Variants in CTR9 observed in about 807,000 individuals in gnomAD.
CTR9 encodes RNA polymerase-associated protein CTR9 homolog.
CTR9 carries 41 observed loss-of-function variants against 152.1 expected under a neutral mutation model. That is an observed-to-expected ratio of 0.27 (90% CI 0.21 to 0.35). The LOEUF is 0.35. Among genes scored for constraint, CTR9 ranks in the 10% least tolerant of loss-of-function variants. The probability of loss-of-function intolerance (pLI) is 1.00; values close to 1 mark genes in which losing one functional copy is unlikely to be tolerated. For synonymous variants in CTR9, 476 were observed against 496.2 expected, an observed-to-expected ratio of 0.96 and a Z score of 0.54; for missense variants, 917 against 1,424.4, an observed-to-expected ratio of 0.64 and a Z score of 5.73.
chr11:10,761,461 G>GATCT (rs200758620), intron 6 of CTR9, among the ~76,000 whole-genome samples: 2,294 of 152,112 alleles, frequency 0.015, 59 homozygotes, highest in African/African-American at 0.052. Flanking sequence ...AAAGGTGGTA[G>GATCT]AGGCCAGGCA....
intron 2 of CTR9, among the ~76,000 whole-genome samples, chr11:10,754,414 T>G (rs937190590): frequency 1.3e-5 from 2 of 152,250 alleles, no homozygotes; most frequent in Non-Finnish European, 2.9e-5. Flanking sequence ...TAAACAGTTT[T>G]ATTAAAGTCT....
chr11:10,759,561 G>A (rs550821215), intron 5 of CTR9, among the ~76,000 whole-genome samples: 13 of 152,174 alleles, frequency 8.5e-5, no homozygotes, highest in Admixed American at 2.6e-4. Context: ...AACTGGAAAG[G>A]GATATAGAAT....
At chr11:10,775,730 T>C (rs1369864611) in intron 24 of CTR9, 97 bp downstream of exon 24, 3 of 109,534 alleles carry the variant, frequency 2.7e-5, no homozygotes, top group Non-Finnish European at 4.4e-5. Flanking sequence ...TATACTTTTC[T>C]TTCTTTTTCT....
chr11:10,755,834 T>G (rs1677430687), intron 4 of CTR9, 39 bp downstream of exon 4: 2 of 1,231,032 alleles, frequency 1.6e-6, no homozygotes, highest in East Asian at 2.4e-5. Context: ...AACAGTTGTT[T>G]TCAGCATATG....
rs777937120 is a variant in CTR9, at chr11:10,756,820, A to G, written c.574A>G (p.Thr192Ala). The change falls in exon 5 of 25, where the codon ACT (threonine) becomes GCT (alanine). Residue 192 changes from threonine (T) to alanine (A), a missense_variant. Coordinates refer to ENST00000361367, the MANE Select transcript of CTR9 (RefSeq NM_014633.5). Reference sequence around the variant, plus strand: ...TGCTTACTATAAGAAAGCATTGCGTACTAACCCAGGATGTCCAGGTAAGAG... The same window carrying G: ...TGCTTACTATAAGAAAGCATTGCGTGCTAACCCAGGATGTCCAGGTAAGAG... ...ALAYYKKALRTNPGCPAEVRL... is the reference protein window; with the variant it reads ...ALAYYKKALRANPGCPAEVRL... 21 of 1,612,614 alleles carry G rather than the reference A, an allele frequency of 1.3e-5. No individual in the cohort carries two copies. Among genetic ancestry groups the G allele is most frequent in the Non-Finnish European group, 1.7e-5 (20 of 1,179,210 alleles).
chr11:10,779,040 C>G lies in CTR9; in HGVS notation c.3457C>G (p.Pro1153Ala). 6.2e-7 allele frequency: 1 copy of G among 1,614,080 alleles called. No individual in the cohort carries two copies. The highest frequency in any genetic ancestry group is 8.5e-7 in the Non-Finnish European group (1 of 1,180,030). The change falls in exon 25 of 25, where the codon CCA (proline) becomes GCA (alanine). Residue 1153 changes from proline to alanine, a missense_variant. Around this residue, in one of 9 missense-constraint regions of CTR9, gnomAD observed 384 missense variants for 398.4 expected, o/e 0.96. Coordinates refer to ENST00000361367, the MANE Select transcript of CTR9 (RefSeq NM_014633.5). ...SGQGSGNESE[P>A]EGSNNEASDR... ...CCAAGGCTCTGGAAATGAATCGGAA[C>G]CAGAGGGATCCAACAATGAGGCCTC...
At chr11:10,764,279 AC>A (rs1307045558) in intron 10 of CTR9, 28 bp from the exon 11 acceptor site, 1 of 1,613,614 alleles carries the variant, frequency 6.2e-7, no homozygotes, top group African/African-American at 1.3e-5. Flanking sequence ...TTCCACTTAC[AC>A]CTTTTTCTGT....
At chr11:10,776,421 A>G (rs752368828) in intron 24 of CTR9, among the ~76,000 whole-genome samples, 7 of 152,186 alleles carry the variant, frequency 4.6e-5, no homozygotes, top group Non-Finnish European at 7.3e-5. Flanking sequence ...CAGTGAAGCA[A>G]TACTTGATTT....
At position 10,760,222 on chromosome 11, in the gene CTR9, G is replaced by A; in HGVS notation, c.642G>A (p.Leu214=). 6.2e-7 allele frequency: 1 copy of A among 1,614,086 alleles called. No homozygotes were observed. Among genetic ancestry groups the A allele is most frequent in the South Asian group, 1.1e-5 (1 of 91,078 alleles). Residue 214 remains leucine (L), a synonymous_variant, in exon 6 of 25, where the codon CTG becomes CTA. Coordinates refer to ENST00000361367, the MANE Select transcript of CTR9 (RefSeq NM_014633.5). ...MGHCFVKLNK[L]EKARLAFSRA... is the part of the protein sequence containing the mutation. ...ATTGCTTTGTGAAACTTAACAAACT[G>A]GAAAAAGCTCGTCTGGCATTCAGCA...
chr11:10,764,246 G>T (rs1414608863), intron 10 of CTR9, 45 bp downstream of exon 10: 3 of 1,613,242 alleles, frequency 1.9e-6, no homozygotes, highest in African/African-American at 2.7e-5. Flanking sequence ...TGTGTTTTTT[G>T]TAAGCCTGGT....
At chr11:10,768,284 A>T in intron 15 of CTR9, 59 bp from the exon 16 acceptor site, 1 of 1,577,410 alleles carries the variant, frequency 6.3e-7, no homozygotes, top group Non-Finnish European at 8.6e-7. Context: ...TAGAATTTTT[A>T]GTTGTTTTTC....
At position 10,778,694 on chromosome 11, in the gene CTR9, C is replaced by G; in HGVS notation, c.3111C>G (p.Ser1037Arg). ...KIADEGHPRNSNSNSDSDEDE... is the reference protein window; with the variant it reads ...KIADEGHPRNRNSNSDSDEDE... ...TCTTTGCCAGACATCCCAGGAACAG[C>G]AACAGCAACAGTGACTCAGACGAGG... Residue 1037 changes from serine to arginine, a missense_variant, in exon 25 of 25, where the codon AGC becomes AGG. Coordinates refer to ENST00000361367, the MANE Select transcript of CTR9 (RefSeq NM_014633.5). 6.2e-7 allele frequency: 1 copy of G among 1,610,702 alleles called. No homozygotes were observed. Among genetic ancestry groups the G allele is most frequent in the Non-Finnish European group, 8.5e-7 (1 of 1,177,222 alleles).
At chr11:10,766,011 A>G (rs1032582307) in intron 12 of CTR9, among the ~76,000 whole-genome samples, 4 of 152,192 alleles carry the variant, frequency 2.6e-5, no homozygotes, top group Non-Finnish European at 4.4e-5. Flanking sequence ...AGTAATACCT[A>G]TTCATCAGAC....
chr11:10,757,074 C>CTGCTCA (rs1862896805), intron 5 of CTR9, among the ~76,000 whole-genome samples: 2 of 152,108 alleles, frequency 1.3e-5, no homozygotes. Flanking sequence ...TACTTGAGCC[C>CTGCTCA]AGGAGTTTGA....
chr11:10,758,292 G>A (rs1015579179), intron 5 of CTR9, among the ~76,000 whole-genome samples: 1 of 152,192 alleles, frequency 6.6e-6, no homozygotes, highest in African/African-American at 2.4e-5. Context: ...TGGGGCTCAA[G>A]GGGAGGGGGT....
chr11:10,761,697 A>G (rs1862980661), intron 6 of CTR9, among the ~76,000 whole-genome samples: 1 of 152,214 alleles, frequency 6.6e-6, no homozygotes, highest in African/African-American at 2.4e-5. Context: ...AGTAGATGAG[A>G]TAAGTCTCAA....
intron 20 of CTR9, 76 bp downstream of exon 20, chr11:10,772,731 A>G: frequency 7.2e-7 from 1 of 1,384,152 alleles, no homozygotes; most frequent in Non-Finnish European, 9.6e-7. Context: ...TAAAAAAAAA[A>G]GTCCTCTGCC....
At chr11:10,772,332 C>A (rs1863155971) in intron 19 of CTR9, among the ~76,000 whole-genome samples, 188 bp from the exon 20 acceptor site, 1 of 151,810 alleles carries the variant, frequency 6.6e-6, no homozygotes. Context: ...CTAACCTAGG[C>A]AACAAGAGCA....
rs543980861 is a variant in CTR9, at chr11:10,751,318, G to A, written c.-95G>A. The stretch of plus-strand genomic sequence containing the variant: ...CCGCGGGGCGGCAGTCAAGACCAGA[G>A]CCGGAGCCGTCACTCACCTCTGGAT... On this transcript the variant is annotated 5_prime_UTR_variant, in exon 1 of 25. Transcript: ENST00000361367. 9.6e-6 allele frequency: 13 copies of A among 1,352,354 alleles called. No homozygotes were observed. In the South Asian group the frequency reaches 1.4e-4, roughly 15 times the overall value. 83.8% of individuals were successfully genotyped at this position (1,352,354 alleles called of 1,614,324 possible). A position where few individuals can be genotyped will look rare whatever the true frequency, so the allele number is the denominator to read the frequency against.
Sources: allele counts gnomAD v4.1 joint callset (sites outside exome capture counted in the v4.1 genomes callset), GRCh38; gene constraint gnomAD v4.1.1; regional missense constraint gnomAD v4.1.1; transcripts MANE v1.5; gene names NCBI Gene and HGNC (gene_info 2026-07-23, HGNC 2026-07-21).